Variants in FSHR observed in about 807,000 individuals in gnomAD.
FSHR encodes follicle stimulating hormone receptor, also known as follicle-stimulating hormone receptor.
FSHR carries 46 observed loss-of-function variants against 52.1 expected under a neutral mutation model. That is an observed-to-expected ratio of 0.88 (90% CI 0.70 to 1.13). The LOEUF is 1.13. Among genes scored for constraint, FSHR ranks in the 50% most tolerant of loss-of-function variants. The pLI is 0.00. For synonymous variants in FSHR, 399 were observed against 309.6 expected (o/e 1.29, Z -3.03); for missense variants, 964 against 834.6 (o/e 1.16, Z -1.91).
intron 4 of FSHR, among the ~76,000 whole-genome samples, chr2:49,004,196 G>T (rs2104156934): frequency 6.6e-6 from 1 of 152,266 alleles, no homozygotes; most frequent in East Asian, 1.9e-4. Flanking sequence ...TCCACATCCA[G>T]TGCCTCTCAG....
intron 2 of FSHR, among the ~76,000 whole-genome samples, chr2:49,058,075 A>C (rs1027202468): frequency 2.0e-5 from 3 of 152,218 alleles, no homozygotes; most frequent in African/African-American, 4.8e-5. Context: ...GGATTGAGGA[A>C]AAGCTGAAAG....
intron 4 of FSHR, among the ~76,000 whole-genome samples, chr2:48,995,724 C>G (rs551844828): frequency 1.3e-5 from 2 of 152,204 alleles, no homozygotes; most frequent in African/African-American, 4.8e-5. Flanking sequence ...CAGAAGTAAT[C>G]AGACCAAAGT....
chr2:49,017,565 T>C lies in FSHR; in HGVS notation c.300-2A>G. On this transcript the variant is annotated splice_acceptor_variant, in intron 3 of 9. Transcript: ENST00000406846. LOFTEE classifies it high-confidence loss of function. ...AGGTTGTTGGCCTTTTCAATTCTAC[T>C]GTAAAAGAAGAAAAAACATGCTAGT... 10 of 1,611,528 alleles carry C rather than the reference T, an allele frequency of 6.2e-6. No individual in the cohort carries two copies. Among genetic ancestry groups the C allele is most frequent in the Non-Finnish European group, 8.5e-6 (10 of 1,177,894 alleles).
rs562353270 is a variant in FSHR at position 49,084,914 on chromosome 2, G to A, written c.153-16624C>T. On this transcript the variant is annotated intron_variant, in intron 1 of 9. Transcript: ENST00000406846. ...GATTCACAGCTGAATTCTACCAGAGGTACAAGGAGGAACTGGTACCATTCC... is the reference window on the plus strand; with the variant it reads ...GATTCACAGCTGAATTCTACCAGAGATACAAGGAGGAACTGGTACCATTCC... Among the ~76,000 whole-genome samples the A allele has an allele frequency of 1.4e-4, 22 of 152,194 alleles. 1 individual carries two copies. The highest frequency in any genetic ancestry group is 5.1e-4 in the African/African-American group (21 of 41,528).
At chr2:49,150,858 A>C (rs1673036394) in intron 1 of FSHR, among the ~76,000 whole-genome samples, 1 of 151,904 alleles carries the variant, frequency 6.6e-6, no homozygotes, top group Non-Finnish European at 1.5e-5. Flanking sequence ...CATGGGCCAA[A>C]TTTGGCTTGC....
intron 8 of FSHR, among the ~76,000 whole-genome samples, chr2:48,972,159 C>G (rs566814575): frequency 1.3e-5 from 2 of 152,248 alleles, no homozygotes; most frequent in Middle Eastern, 6.8e-3. Context: ...AAATCTGTTC[C>G]ACCTTTCCAG....
chr2:49,153,932 C>T (rs937026124), intron 1 of FSHR, among the ~76,000 whole-genome samples: 3 of 152,170 alleles, frequency 2.0e-5, no homozygotes, highest in Non-Finnish European at 2.9e-5. Flanking sequence ...TAAGTTTCTA[C>T]TTTGCCTTCA....
chr2:49,100,873 G>C (rs975278130), intron 1 of FSHR, among the ~76,000 whole-genome samples: 37 of 152,258 alleles, frequency 2.4e-4, no homozygotes, highest in African/African-American at 8.9e-4. Context: ...AAGGGACCAG[G>C]GAAGAAAACC....
At chr2:49,061,970 T>C (rs1669329327) in intron 2 of FSHR, among the ~76,000 whole-genome samples, 1 of 151,184 alleles carries the variant, frequency 6.6e-6, no homozygotes, top group Non-Finnish European at 1.5e-5. Context: ...GTTGGGGACT[T>C]CAATGCCCCA....
chr2:49,143,921 G>T (rs917886422), intron 1 of FSHR, among the ~76,000 whole-genome samples: 1 of 152,014 alleles, frequency 6.6e-6, no homozygotes, highest in African/African-American at 2.4e-5. Flanking sequence ...CGGGTAAAAT[G>T]GATAAAATAA....
chr2:48,968,400 T>C (rs910281396), intron 9 of FSHR, among the ~76,000 whole-genome samples: 1 of 152,190 alleles, frequency 6.6e-6, no homozygotes, highest in Non-Finnish European at 1.5e-5. Flanking sequence ...AGGGAACAGA[T>C]ATTATGCACC....
At chr2:49,041,817 C>T (rs1668488213) in intron 2 of FSHR, among the ~76,000 whole-genome samples, 1 of 151,782 alleles carries the variant, frequency 6.6e-6, no homozygotes, top group Non-Finnish European at 1.5e-5. Flanking sequence ...AAAAAGAAAG[C>T]ACACTGAAGA....
intron 4 of FSHR, among the ~76,000 whole-genome samples, chr2:48,992,897 C>T (rs1329517388): frequency 2.0e-5 from 3 of 152,160 alleles, no homozygotes; most frequent in African/African-American, 4.8e-5. Flanking sequence ...GAAACTGTGA[C>T]TGTCATGCCA....
At chr2:49,057,289 G>A (rs1337314782) in intron 2 of FSHR, among the ~76,000 whole-genome samples, 1 of 151,888 alleles carries the variant, frequency 6.6e-6, no homozygotes, top group Non-Finnish European at 1.5e-5. Context: ...GAAAAAATGG[G>A]AGAATAACCA....
intron 9 of FSHR, among the ~76,000 whole-genome samples, chr2:48,967,907 C>T (rs1674549362): frequency 6.6e-6 from 1 of 152,166 alleles, no homozygotes; most frequent in South Asian, 2.1e-4. Context: ...ATGAGTGCAA[C>T]TACATGGTGT....
chr2:48,988,879 A>C (rs563500169), intron 6 of FSHR, 98 bp downstream of exon 6: 1 of 985,714 alleles, frequency 1.0e-6, no homozygotes, highest in African/African-American at 1.6e-5. Context: ...AGAAATGCCA[A>C]AGTTACCCAA....
intron 4 of FSHR, among the ~76,000 whole-genome samples, chr2:48,995,543 T>G (rs2104121727): frequency 6.6e-6 from 1 of 152,206 alleles, no homozygotes. Flanking sequence ...TTCCAGAAAC[T>G]TTAAAGCTAG....
At chr2:49,149,255 G>C (rs1294897341) in intron 1 of FSHR, among the ~76,000 whole-genome samples, 4 of 151,890 alleles carry the variant, frequency 2.6e-5, no homozygotes, top group African/African-American at 9.7e-5. Context: ...CTTCACCTCA[G>C]AACAGGTAAT....
intron 1 of FSHR, among the ~76,000 whole-genome samples, chr2:49,130,481 C>G (rs1368718256): frequency 1.3e-5 from 2 of 152,148 alleles, no homozygotes; most frequent in South Asian, 2.1e-4. Context: ...TTCTGTCAGC[C>G]TAGAGAAGTA....
Sources: gnomAD v4.1 joint callset for allele counts (sites outside exome capture counted in the v4.1 genomes callset) on GRCh38, gnomAD v4.1.1 for gene constraint, MANE v1.5 for transcripts, NCBI Gene and HGNC (gene_info 2026-07-23, HGNC 2026-07-21) for gene names.